Variants in USH2A observed in about 807,000 individuals in gnomAD.
USH2A encodes usherin.
USH2A carries 443 observed loss-of-function variants against 538.9 expected under a neutral mutation model. The observed-to-expected ratio is 0.82, with a 90% CI of 0.76 to 0.89. USH2A has a LOEUF of 0.89. USH2A is among the 40% of genes least tolerant of loss of function. The probability of loss-of-function intolerance (pLI) is 0.00; values close to 1 mark genes in which losing one functional copy is unlikely to be tolerated. For missense variants in USH2A, 6,633 were observed against 6,324.8 expected (o/e 1.05, Z -1.65); for synonymous variants, 2,413 against 2,273.5 (o/e 1.06, Z -1.75).
At chr1:215,915,750 C>T (rs61828483) in intron 38 of USH2A, among the ~76,000 whole-genome samples, 8 of 151,250 alleles carry the variant, frequency 5.3e-5, no homozygotes, top group East Asian at 2.0e-4. Context: ...ATGTTTATTG[C>T]GGCACTATTC....
chr1:216,111,357 A>AT (rs2032864324), intron 21 of USH2A, among the ~76,000 whole-genome samples: 2 of 152,306 alleles, frequency 1.3e-5, no homozygotes, highest in East Asian at 3.9e-4. Context: ...AGGTGTCAGA[A>AT]TCTGCTGCTA....
chr1:215,632,023 T>A (rs1229672287), intron 70 of USH2A, among the ~76,000 whole-genome samples: 1 of 152,180 alleles, frequency 6.6e-6, no homozygotes, highest in Non-Finnish European at 1.5e-5. Flanking sequence ...TCAGCTGTTC[T>A]CAAATCTTGC....
chr1:215,757,885 T>C (rs1268287928), intron 58 of USH2A, among the ~76,000 whole-genome samples: 1 of 152,172 alleles, frequency 6.6e-6, no homozygotes, highest in African/African-American at 2.4e-5. Context: ...CCCCATTCAC[T>C]GATTTAATAT....
intron 3 of USH2A, among the ~76,000 whole-genome samples, chr1:216,400,178 GA>G (rs201508727): frequency 0.012 from 1,820 of 148,148 alleles, 26 homozygotes; most frequent in African/African-American, 0.038. Context: ...TTTCAAGCAA[GA>G]AAAAAAATGA....
At chr1:215,774,158 A>T (rs934547057) in intron 55 of USH2A, among the ~76,000 whole-genome samples, 3 of 152,126 alleles carry the variant, frequency 2.0e-5, no homozygotes, top group African/African-American at 7.2e-5. Flanking sequence ...AAACATCAAA[A>T]CAAAGGGACT....
intron 32 of USH2A, among the ~76,000 whole-genome samples, chr1:216,024,485 C>A (rs1416984259): frequency 2.0e-5 from 3 of 151,906 alleles, no homozygotes; most frequent in Non-Finnish European, 4.4e-5. Flanking sequence ...ATGTAGAAGC[C>A]ATTCTCATTA....
At chr1:215,905,130 G>C (rs1010349189) in intron 38 of USH2A, among the ~76,000 whole-genome samples, 1 of 152,174 alleles carries the variant, frequency 6.6e-6, no homozygotes, top group East Asian at 1.9e-4. Context: ...AAAACTCTGG[G>C]AGTGAGCTCT....
intron 70 of USH2A, among the ~76,000 whole-genome samples, chr1:215,630,944 T>C (rs1359437459): frequency 6.6e-6 from 1 of 152,038 alleles, no homozygotes; most frequent in Non-Finnish European, 1.5e-5. Flanking sequence ...TTGTTTAGTA[T>C]TGCAGGGAAT....
chr1:216,004,511 T>C (rs1338204001), intron 32 of USH2A, among the ~76,000 whole-genome samples: 1 of 152,158 alleles, frequency 6.6e-6, no homozygotes, highest in Admixed American at 6.5e-5. Flanking sequence ...CATCAGTAAT[T>C]GCACAATTGA....
rs757980548 is a variant in USH2A, at chr1:215,650,738, C to A, written c.14197G>T (p.Ala4733Ser). The change falls in exon 65 of 72, where the codon GCC becomes TCC. Residue 4733 changes from alanine (A) to serine (S), a missense_variant. Physicochemically the swap from Ala to Ser is moderately conservative, Grantham distance 99. Coordinates refer to ENST00000307340, the MANE Select transcript of USH2A (RefSeq NM_206933.4). ...SSWTWCRTGP[A>S]PPEGLRAPTF... ...GGGGCTCTGAGACCTTCTGGTGGGGCTGGCCCGGTTCTGCACCATGTCCAG... is the reference window on the plus strand; with the variant it reads ...GGGGCTCTGAGACCTTCTGGTGGGGATGGCCCGGTTCTGCACCATGTCCAG... 1 of 1,613,704 alleles carries A rather than the reference C, an allele frequency of 6.2e-7. No homozygotes were observed. The highest frequency in any genetic ancestry group is 8.5e-7 in the Non-Finnish European group (1 of 1,179,960).
At chr1:215,811,284 C>T (rs1001171315) in intron 49 of USH2A, among the ~76,000 whole-genome samples, 7 of 152,228 alleles carry the variant, frequency 4.6e-5, no homozygotes, top group East Asian at 1.9e-4. Context: ...CAAGGAACTA[C>T]GGCTTAGGTG....
At chr1:216,319,112 C>G (rs146995640) in intron 9 of USH2A, among the ~76,000 whole-genome samples, 66 of 152,216 alleles carry the variant, frequency 4.3e-4, no homozygotes, top group African/African-American at 1.4e-3. Flanking sequence ...ATATTCAGTT[C>G]AAGGTGCCCT....
Position 215,879,027 on chromosome 1 carries a change from G to T in USH2A, c.8295C>A (p.His2765Gln). The T allele has an allele frequency of 6.2e-7, 1 of 1,614,106 alleles. No homozygotes were observed. The highest frequency in any genetic ancestry group is 8.5e-7 in the Non-Finnish European group (1 of 1,179,964). ...CGGAAGTCACATTGGTTAAAGTGAT[G>T]TGAGGGTCAGGCATGTGAATCTCAT... ...LSYEIHMPDP[H>Q]ITLTNVTSAV... The change falls in exon 42 of 72, where the codon CAC becomes CAA. Residue 2765 changes from histidine (H) to glutamine (Q), a missense_variant. Coordinates refer to ENST00000307340, the MANE Select transcript of USH2A (RefSeq NM_206933.4).
chr1:215,786,909 T>C, intron 51 of USH2A, 35 bp from the exon 52 acceptor site: 1 of 1,603,260 alleles, frequency 6.2e-7, no homozygotes. Flanking sequence ...GAGAGAGGGG[T>C]ATTTAAAAAT....
chr1:215,861,953 C>G (rs1664328922), intron 44 of USH2A, among the ~76,000 whole-genome samples: 1 of 150,414 alleles, frequency 6.6e-6, no homozygotes, highest in African/African-American at 2.5e-5. Flanking sequence ...GAGTCTCCTG[C>G]CTCAGTCTCC....
At chr1:215,627,441 C>CCTTCCTTCT (rs1558027521) in intron 71 of USH2A, among the ~76,000 whole-genome samples, 77 of 55,090 alleles carry the variant, frequency 1.4e-3, no homozygotes, top group African/African-American at 3.4e-3. Context: ...TCCTTCCTTC[C>CCTTCCTTCT]TTCCTTCCTT....
intron 49 of USH2A, 96 bp downstream of exon 49, chr1:215,813,640 G>A (rs1223835567): frequency 6.7e-7 from 1 of 1,488,092 alleles, no homozygotes; most frequent in African/African-American, 1.4e-5. Flanking sequence ...AATTTTTGTT[G>A]AGAGGGAGGT....
At chr1:216,024,037 T>G (rs897726639) in intron 32 of USH2A, among the ~76,000 whole-genome samples, 9 of 152,116 alleles carry the variant, frequency 5.9e-5, no homozygotes, top group Admixed American at 6.6e-5. Context: ...CATATCTGAG[T>G]TTGATTAATA....
intron 11 of USH2A, among the ~76,000 whole-genome samples, chr1:216,277,514 C>G (rs2036693502): frequency 6.6e-6 from 1 of 152,100 alleles, no homozygotes; most frequent in African/African-American, 2.4e-5. Context: ...CAGAGGTCCT[C>G]ATTAAACAGA....
Sources: allele counts gnomAD v4.1 joint callset (sites outside exome capture counted in the v4.1 genomes callset), GRCh38; gene constraint gnomAD v4.1.1; transcripts MANE v1.5; gene names NCBI Gene and HGNC (gene_info 2026-07-23, HGNC 2026-07-21).